Variants in AKAP11 observed in about 807,000 individuals in gnomAD.
AKAP11 encodes the protein A-kinase anchoring protein 11, also known as A-kinase anchor protein 11.
AKAP11 carries 36 observed loss-of-function variants against 146.1 expected under a neutral mutation model. That is an observed-to-expected ratio of 0.25 (90% CI 0.19 to 0.33). The LOEUF (loss-of-function observed/expected upper bound fraction) is 0.33, where lower values mean the gene tolerates loss of function less well. Among genes scored for constraint, AKAP11 ranks in the 10% least tolerant of loss-of-function variants. AKAP11 has a pLI of 1.00. For missense variants in AKAP11, 2,201 were observed against 2,197.0 expected (o/e 1.00, Z -0.04); for synonymous variants, 780 against 786.5 (o/e 0.99, Z 0.14).
chr13:42,312,641 C>G (rs1960618653), intron 9 of AKAP11, among the ~76,000 whole-genome samples: 1 of 152,114 alleles, frequency 6.6e-6, no homozygotes, highest in South Asian at 2.1e-4. Context: ...ATCTAAAGAC[C>G]TGAGAGAATG....
In AKAP11 at chr13:42,286,373, A is replaced by T; in HGVS notation, c.25A>T (p.Met9Leu). The change falls in exon 3 of 13, where the codon ATG becomes TTG. Residue 9 changes from methionine to leucine, a missense_variant. Physicochemically the swap from Met to Leu is conservative, Grantham distance 15. This residue lies in a region of AKAP11 where 331 missense variants were observed against 347.4 expected (regional missense o/e 0.95). Coordinates refer to ENST00000025301, the MANE Select transcript of AKAP11 (RefSeq NM_016248.4). ...TATGGCGACTTTCAGAAACAATCAC[A>T]TGAAGACTAAAGCATCTGTCAGAAA... MATFRNNH[M>L]KTKASVRKSF... 1 of 1,602,806 alleles carries T rather than the reference A, an allele frequency of 6.2e-7. No individual in the cohort carries two copies. The highest frequency in any genetic ancestry group is 8.5e-7 in the Non-Finnish European group (1 of 1,175,650).
intron 4 of AKAP11, among the ~76,000 whole-genome samples, chr13:42,295,164 G>A (rs192467043): frequency 2.6e-5 from 4 of 152,286 alleles, no homozygotes; most frequent in East Asian, 3.9e-4. Context: ...AGAATGAGAA[G>A]CCAGGCATGT....
intron 1 of AKAP11, among the ~76,000 whole-genome samples, chr13:42,284,332 T>A (rs546826309): frequency 6.6e-6 from 1 of 152,348 alleles, no homozygotes; most frequent in African/African-American, 2.4e-5. Flanking sequence ...AAAACTGCCC[T>A]GCAGGTGCCA....
intron 1 of AKAP11, among the ~76,000 whole-genome samples, chr13:42,274,287 A>G (rs189789964): frequency 2.4e-4 from 36 of 152,266 alleles, no homozygotes; most frequent in African/African-American, 8.4e-4. Context: ...AGCTGGTAAT[A>G]TGGGGAAGAG....
At chr13:42,290,488 T>G (rs1465353547) in intron 3 of AKAP11, among the ~76,000 whole-genome samples, 1 of 152,210 alleles carries the variant, frequency 6.6e-6, no homozygotes, top group Non-Finnish European at 1.5e-5. Flanking sequence ...TTCCCCAGCT[T>G]TTAACCCAGT....
rs770708596 is a variant in AKAP11, at chr13:42,299,580, AAGG to A, written c.837_839del (p.Arg279del). 20 of 1,613,976 alleles carry A rather than the reference AAGG, an allele frequency of 1.2e-5. No homozygotes were observed. Among genetic ancestry groups the A allele is most frequent in the Admixed American group, 6.7e-5 (4 of 60,000 alleles). ...CATCAATTTCAGAGCCTTGGACCCA[AAGG>A]AGTTTCTATAGGTCATCTAATGCTT... On this transcript the variant is annotated inframe_deletion, in exon 8 of 13. Coordinates refer to ENST00000025301, the MANE Select transcript of AKAP11 (RefSeq NM_016248.4).
At chr13:42,297,714 A>G (rs887228378) in intron 6 of AKAP11, among the ~76,000 whole-genome samples, 1 of 151,958 alleles carries the variant, frequency 6.6e-6, no homozygotes, top group Non-Finnish European at 1.5e-5. Context: ...TTTGTTGATA[A>G]TGCATCAGAG....
chr13:42,274,059 G>A (rs548637993), intron 1 of AKAP11, among the ~76,000 whole-genome samples: 19 of 152,180 alleles, frequency 1.2e-4, no homozygotes, highest in Non-Finnish European at 2.6e-4. Flanking sequence ...TTTTTGGCTG[G>A]TCTTCATAAC....
chr13:42,283,791 G>T, intron 1 of AKAP11, among the ~76,000 whole-genome samples: 1 of 152,262 alleles, frequency 6.6e-6, no homozygotes, highest in East Asian at 1.9e-4. Flanking sequence ...TCCCTTTTAG[G>T]CAAGGTTAGG....
rs1301201809 is a variant in AKAP11 at position 42,286,344 on chromosome 13, T to C, written c.-5T>C. On this transcript the variant is annotated 5_prime_UTR_variant, in exon 3 of 13. Transcript: ENST00000025301. ...TTCATTGATTATATACAACAAAAAA[T>C]AGTTATGGCGACTTTCAGAAACAAT... is the stretch of plus-strand genomic sequence containing the variant. The C allele has an allele frequency of 6.3e-6, 10 of 1,598,160 alleles. No homozygotes were observed. The highest frequency in any genetic ancestry group is 8.5e-6 in the Non-Finnish European group (10 of 1,172,682).
chr13:42,271,600 G>C (rs1016571423), upstream of AKAP11, among the ~76,000 whole-genome samples: 1 of 152,222 alleles, frequency 6.6e-6, no homozygotes, highest in Non-Finnish European at 1.5e-5. Flanking sequence ...GGCGAAGAAG[G>C]AGCCCAGCTG....
intron 6 of AKAP11, among the ~76,000 whole-genome samples, chr13:42,298,145 A>T (rs1180187765): frequency 6.6e-6 from 1 of 152,084 alleles, no homozygotes; most frequent in Non-Finnish European, 1.5e-5. Flanking sequence ...GGGATTAAAA[A>T]TAAAAGAAAA....
At position 42,301,641 on chromosome 13, in the gene AKAP11, A is replaced by T; in HGVS notation, c.2895A>T (p.Ala965=). Residue 965 remains alanine, a synonymous_variant, in exon 8 of 13, where the codon GCA becomes GCT. Coordinates refer to ENST00000025301, the MANE Select transcript of AKAP11 (RefSeq NM_016248.4). ...KSVIPNIDKN[A]VYKESLPVSG... ...TGATCCCAAATATAGATAAAAATGC[A>T]GTATACAAGGAAAGCTTGCCTGTTT... 6.2e-7 allele frequency: 1 copy of T among 1,614,118 alleles called. No homozygotes were observed. The highest frequency in any genetic ancestry group is 8.5e-7 in the Non-Finnish European group (1 of 1,179,994).
chr13:42,301,275 T>C lies in AKAP11; in HGVS notation c.2529T>C (p.Asn843=). The C allele has an allele frequency of 1.9e-6, 3 of 1,613,824 alleles. No homozygotes were observed. Among genetic ancestry groups the C allele is most frequent in the Non-Finnish European group, 2.5e-6 (3 of 1,179,926 alleles). The part of the protein sequence containing the change: ...LRNICLPSEH[N]PGNQNDFKPT... The stretch of plus-strand genomic sequence containing the variant: ...ATATTTGTTTACCTTCAGAACACAA[T>C]CCAGGTAATCAGAATGATTTTAAAC... The change falls in exon 8 of 13, where the codon AAT becomes AAC. Residue 843 remains asparagine, a synonymous_variant. Transcript: ENST00000025301.
intron 1 of AKAP11, among the ~76,000 whole-genome samples, chr13:42,272,930 A>G (rs1015125612): frequency 1.3e-5 from 2 of 152,244 alleles, no homozygotes; most frequent in Non-Finnish European, 2.9e-5. Flanking sequence ...TGACAATGAC[A>G]GTAAAAGCTA....
At position 42,299,978 on chromosome 13, in the gene AKAP11, A is replaced by G; in HGVS notation, c.1232A>G (p.Asn411Ser). 6.2e-7 allele frequency: 1 copy of G among 1,613,986 alleles called. No homozygotes were observed. The highest frequency in any genetic ancestry group is 1.3e-5 in the African/African-American group (1 of 75,040). ...TTTGATCGTCCAGCTCTCCCAGCTA[A>G]TGTTAGAAAGCCAACTCCTCGTAAA... ...FKFDRPALPANVRKPTPRKPE... is the reference protein window; with the variant it reads ...FKFDRPALPASVRKPTPRKPE... Residue 411 changes from asparagine to serine, a missense_variant, in exon 8 of 13, where the codon AAT (asparagine) becomes AGT (serine). Asn to Ser is a conservative substitution (Grantham distance 46, BLOSUM62 1). This residue lies in a region of AKAP11 where 1,867 missense variants were observed against 1,833.5 expected (regional missense o/e 1.02). Coordinates refer to ENST00000025301, the MANE Select transcript of AKAP11 (RefSeq NM_016248.4).
chr13:42,286,452 A>ATT, intron 3 of AKAP11, 53 bp downstream of exon 3: 1 of 1,399,586 alleles, frequency 7.1e-7, no homozygotes, highest in Non-Finnish European at 9.8e-7. Context: ...TAAAATGTTG[A>ATT]TTTTTTTTTA....
At chr13:42,289,212 C>G (rs964335507) in intron 3 of AKAP11, among the ~76,000 whole-genome samples, 2 of 152,126 alleles carry the variant, frequency 1.3e-5, no homozygotes, top group African/African-American at 2.4e-5. Context: ...TCTACCATTC[C>G]TTTCACATTT....
At chr13:42,318,670 T>C (rs971188189) in intron 12 of AKAP11, among the ~76,000 whole-genome samples, 1 of 152,240 alleles carries the variant, frequency 6.6e-6, no homozygotes, top group Non-Finnish European at 1.5e-5. Context: ...AATGCCACAC[T>C]ATATGTTGTG....
Sources: gnomAD v4.1 joint callset for allele counts (sites outside exome capture counted in the v4.1 genomes callset) on GRCh38, gnomAD v4.1.1 for gene constraint, gnomAD v4.1.1 regional missense constraint, MANE v1.5 for transcripts, NCBI Gene and HGNC (gene_info 2026-07-23, HGNC 2026-07-21) for gene names.